Variants in PELI2 observed in about 807,000 individuals in gnomAD.
PELI2 encodes the protein pellino E3 ubiquitin protein ligase family member 2.
Under a neutral mutation model 42.3 loss-of-function variants are expected in PELI2, and 23 were observed. The ratio of observed to expected loss-of-function variants is 0.54; its 90% CI spans 0.39 to 0.77. The LOEUF is 0.77. Ranked by LOEUF, PELI2 falls within the 30% of genes least tolerant of loss-of-function variation. The pLI is 0.00. For synonymous variants in PELI2, 245 were observed against 212.2 expected, an observed-to-expected ratio of 1.15 and a Z score of -1.34; for missense variants, 463 against 553.2, an observed-to-expected ratio of 0.84 and a Z score of 1.64.
At chr14:56,169,780 T>A (rs1350855163) in intron 1 of PELI2, among the ~76,000 whole-genome samples, 2 of 152,220 alleles carry the variant, frequency 1.3e-5, no homozygotes, top group East Asian at 3.8e-4. Context: ...CTCCGCCTCC[T>A]CCTATATGCA....
At chr14:56,275,993 A>G (rs1889278069) in intron 2 of PELI2, among the ~76,000 whole-genome samples, 1 of 152,134 alleles carries the variant, frequency 6.6e-6, no homozygotes, top group African/African-American at 2.4e-5. Flanking sequence ...CCTTGGAGAA[A>G]CTTTTATTTC....
Position 56,238,688 on chromosome 14 carries a change from A to G in PELI2, c.208-40988A>G, listed in dbSNP as rs184963697. On this transcript the variant is annotated intron_variant, in intron 2 of 5. Transcript: ENST00000267460. ...AAATTTCAGGCACTGAATTTGGAGT[A>G]AAATTAATTCATTACTAAGATAGTT... is the stretch of plus-strand genomic sequence containing the variant. 9.7e-4 allele frequency among the ~76,000 whole-genome samples: 148 copies of G among 152,332 alleles called. No individual in the cohort carries two copies. The Middle Eastern group carries it at 0.037, about 39-fold the overall frequency.
At chr14:56,240,844 C>T (rs1218454489) in intron 2 of PELI2, among the ~76,000 whole-genome samples, 3 of 148,216 alleles carry the variant, frequency 2.0e-5, no homozygotes, top group Admixed American at 6.9e-5. Context: ...ATCCTGCCCC[C>T]ATCTGATTAG....
chr14:56,243,048 G>A (rs866589366), intron 2 of PELI2, among the ~76,000 whole-genome samples: 13 of 152,252 alleles, frequency 8.5e-5, no homozygotes, highest in Middle Eastern at 3.4e-3. Flanking sequence ...CCTTTCATCC[G>A]TGGCTTATTT....
At chr14:56,192,011 C>T (rs1376310017) in intron 2 of PELI2, among the ~76,000 whole-genome samples, 1 of 152,080 alleles carries the variant, frequency 6.6e-6, no homozygotes, top group Non-Finnish European at 1.5e-5. Context: ...CATGCCACCA[C>T]CCCCAGCCAA....
intron 2 of PELI2, among the ~76,000 whole-genome samples, chr14:56,262,581 A>G (rs17091181): frequency 0.17 from 25,434 of 152,060 alleles, 2,460 homozygotes; most frequent in South Asian, 0.35. Context: ...ATTCTTTACC[A>G]TAGATAGAAT....
At chr14:56,119,759 G>T (rs1882995641) in intron 1 of PELI2, 2 of 979,410 alleles carry the variant, frequency 2.0e-6, no homozygotes, top group African/African-American at 3.5e-5. Context: ...GTTTAGTGTT[G>T]AAGAAAGGAT....
chr14:56,273,512 A>G lies in PELI2; in HGVS notation c.208-6164A>G, dbSNP rs1438166885. On this transcript the variant is annotated intron_variant, in intron 2 of 5. Transcript: ENST00000267460. The surrounding 1 kb of genome is among the most constrained non-coding windows in gnomAD (Gnocchi z 4.3). Reference sequence around the variant, plus strand: ...TGATTATAAAATTCCTTTGAGGAATAAATCAGTTTTGTAGCTACTGGCTGC... The same window carrying G: ...TGATTATAAAATTCCTTTGAGGAATGAATCAGTTTTGTAGCTACTGGCTGC... 6.6e-6 allele frequency among the ~76,000 whole-genome samples: 1 copy of G among 152,262 alleles called. No individual in the cohort carries two copies. The highest frequency in any genetic ancestry group is 2.4e-5 in the African/African-American group (1 of 41,476).
At chr14:56,147,408 T>A (rs191375712) in intron 1 of PELI2, among the ~76,000 whole-genome samples, 46 of 152,256 alleles carry the variant, frequency 3.0e-4, no homozygotes, top group African/African-American at 1.1e-3. Context: ...GTCATTTGCA[T>A]TTATGGGGAA....
chr14:56,130,312 C>T (rs574857773), intron 1 of PELI2, among the ~76,000 whole-genome samples: 8 of 152,248 alleles, frequency 5.3e-5, no homozygotes, highest in Non-Finnish European at 8.8e-5. Context: ...GAAACTGAGT[C>T]GTGATGCTTG....
chr14:56,153,916 G>A (rs1000091348), intron 1 of PELI2, among the ~76,000 whole-genome samples: 1 of 152,058 alleles, frequency 6.6e-6, no homozygotes, highest in African/African-American at 2.4e-5. Flanking sequence ...TTATGGTAAG[G>A]GTTGATTTTG....
At chr14:56,120,142 C>T (rs1883008482) in intron 1 of PELI2, among the ~76,000 whole-genome samples, 1 of 152,156 alleles carries the variant, frequency 6.6e-6, no homozygotes, top group Admixed American at 6.5e-5. Flanking sequence ...ATCTTAATTG[C>T]ACTTCAAAGA....
chr14:56,279,754 G>A lies in PELI2; in HGVS notation c.286G>A (p.Asp96Asn), dbSNP rs773672384. Residue 96 changes from aspartate (D) to asparagine (N), a missense_variant, in exon 3 of 6, where the codon GAT becomes AAT. By Grantham distance (23) the Asp-to-Asn change is conservative (BLOSUM62 1). Transcript: ENST00000267460. Reference protein sequence around the residue: ...NQTVVVEYTHDKDTDMFQVGR... With the variant: ...NQTVVVEYTHNKDTDMFQVGR... ...GACTGTGGTGGTGGAGTACACACAT[G>A]ATAAGGATACGGATATGTTTCAGGT... 1.7e-5 allele frequency: 27 copies of A among 1,583,732 alleles called. No individual in the cohort carries two copies. The highest frequency in any genetic ancestry group is 1.7e-4 in the Middle Eastern group (1 of 5,996).
Position 56,290,568 on chromosome 14 carries a change from T to A in PELI2, c.696+112T>A, listed in dbSNP as rs1889796657. 3 of 665,264 alleles carry A rather than the reference T, an allele frequency of 4.5e-6. No homozygotes were observed. The East Asian group carries it at 8.5e-5, about 19-fold the overall frequency. 41.2% of individuals were successfully genotyped at this position (665,264 alleles called of 1,614,324 possible). A position where few individuals can be genotyped will look rare whatever the true frequency, so the allele number is the denominator to read the frequency against. ...AACCTTTGTGCAGGTCCAAGCGCCATGTACTGTAACTCAGGAGAAGCAGAA... is the reference window on the plus strand; with the variant it reads ...AACCTTTGTGCAGGTCCAAGCGCCAAGTACTGTAACTCAGGAGAAGCAGAA... On this transcript the variant is annotated intron_variant, in intron 5 of 5. Transcript: ENST00000267460.
chr14:56,269,932 C>T (rs1889038122), intron 2 of PELI2, among the ~76,000 whole-genome samples: 1 of 152,238 alleles, frequency 6.6e-6, no homozygotes. Context: ...GTCAGATCAT[C>T]TTCTGAAACT....
At chr14:56,218,281 A>AT (rs201917648) in intron 2 of PELI2, among the ~76,000 whole-genome samples, 4 of 152,200 alleles carry the variant, frequency 2.6e-5, no homozygotes, top group Admixed American at 1.3e-4. Context: ...CACCTAGAGA[A>AT]TTTTTTTTGT....
At chr14:56,280,937 C>A (rs1889463505) in intron 3 of PELI2, among the ~76,000 whole-genome samples, 1 of 151,836 alleles carries the variant, frequency 6.6e-6, no homozygotes. Flanking sequence ...TATAAATGGC[C>A]AATAAATATA....
At chr14:56,142,351 C>T (rs958765639) in intron 1 of PELI2, among the ~76,000 whole-genome samples, 1 of 152,066 alleles carries the variant, frequency 6.6e-6, no homozygotes, top group African/African-American at 2.4e-5. Context: ...ATTAGGCTCC[C>T]ATTTACCAGT....
chr14:56,274,631 C>A lies in PELI2; in HGVS notation c.208-5045C>A, dbSNP rs548860479. On this transcript the variant is annotated intron_variant, in intron 2 of 5. Transcript: ENST00000267460. Reference sequence around the variant, plus strand: ...GTTTGTTTTAGAGTCTGGAGACTCACAAAACTCCCTGACATTAGTTTTGAG... The same window carrying A: ...GTTTGTTTTAGAGTCTGGAGACTCAAAAAACTCCCTGACATTAGTTTTGAG... Among the ~76,000 whole-genome samples the A allele has an allele frequency of 4.6e-5, 7 of 152,298 alleles. No homozygotes were observed. In the East Asian group the frequency reaches 1.2e-3, roughly 25 times the overall value.
Sources: allele counts gnomAD v4.1 joint callset (sites outside exome capture counted in the v4.1 genomes callset), GRCh38; gene constraint gnomAD v4.1.1; non-coding constraint Gnocchi (gnomAD v3.1); transcripts MANE v1.5; gene names NCBI Gene and HGNC (gene_info 2026-07-23, HGNC 2026-07-21).